ADCY2: variants seen among roughly 807,000 people sequenced by gnomAD.
ADCY2 encodes the protein adenylate cyclase 2.
ADCY2 carries 31 observed loss-of-function variants against 125.2 expected under a neutral mutation model. The observed-to-expected ratio is 0.25, with a 90% CI of 0.19 to 0.33. ADCY2 has a LOEUF of 0.33. ADCY2 is among the 10% of genes least tolerant of loss of function. The pLI, the probability that ADCY2 is intolerant of heterozygous loss-of-function variation, is 1.00. For synonymous variants in ADCY2, 512 were observed against 548.4 expected (o/e 0.93, Z 0.93); for missense variants, 904 against 1,418.2 (o/e 0.64, Z 5.82).
chr5:7,430,561 CTA>C (rs1375753749), intron 2 of ADCY2, among the ~76,000 whole-genome samples: 1 of 146,984 alleles, frequency 6.8e-6, no homozygotes, highest in African/African-American at 2.5e-5. Context: ...TATTGATATA[CTA>C]TATATATAGT....
At chr5:7,783,008 G>GCA (rs1315984203) in intron 18 of ADCY2, among the ~76,000 whole-genome samples, 2 of 146,952 alleles carry the variant, frequency 1.4e-5, no homozygotes, top group African/African-American at 4.9e-5. Context: ...GCTGCGGCAG[G>GCA]TTTGGTGGGG....
chr5:7,450,534 G>A (rs1437225981), intron 2 of ADCY2, among the ~76,000 whole-genome samples: 2 of 152,214 alleles, frequency 1.3e-5, no homozygotes, highest in South Asian at 2.1e-4. Context: ...TAACATAAAC[G>A]TGGAAGGTGA....
intron 18 of ADCY2, chr5:7,782,127 T>G (rs906561691): frequency 1.2e-5 from 2 of 167,104 alleles, no homozygotes; most frequent in African/African-American, 4.8e-5. Flanking sequence ...TCGTGCCTCG[T>G]GATTCCTGAG....
At chr5:7,743,342 C>A (rs980691280) in intron 14 of ADCY2, among the ~76,000 whole-genome samples, 1 of 151,796 alleles carries the variant, frequency 6.6e-6, no homozygotes, top group African/African-American at 2.4e-5. Flanking sequence ...AAGAGGCCAC[C>A]GAGATGGGGG....
At chr5:7,434,661 T>A (rs1740728641) in intron 2 of ADCY2, among the ~76,000 whole-genome samples, 2 of 152,358 alleles carry the variant, frequency 1.3e-5, no homozygotes, top group East Asian at 3.9e-4. Context: ...GCTTTTATAA[T>A]TGGGAGCATA....
At chr5:7,409,199 G>A (rs1579413349) in intron 1 of ADCY2, among the ~76,000 whole-genome samples, 1 of 152,116 alleles carries the variant, frequency 6.6e-6, no homozygotes, top group Non-Finnish European at 1.5e-5. Context: ...TGGACACATA[G>A]AGGGGAACAA....
intron 3 of ADCY2, among the ~76,000 whole-genome samples, chr5:7,578,047 A>G (rs1736308826): frequency 6.6e-6 from 1 of 152,218 alleles, no homozygotes; most frequent in Non-Finnish European, 1.5e-5. Flanking sequence ...CTCAGAAAAG[A>G]CATCACATTT....
At chr5:7,555,851 A>AGC (rs762225183) in intron 3 of ADCY2, among the ~76,000 whole-genome samples, 7 of 128,828 alleles carry the variant, frequency 5.4e-5, no homozygotes, top group Admixed American at 4.9e-4. Context: ...GACACATGTG[A>AGC]GCGCACACAC....
chr5:7,618,150 C>T (rs1737825503), intron 3 of ADCY2, among the ~76,000 whole-genome samples: 1 of 152,070 alleles, frequency 6.6e-6, no homozygotes. Flanking sequence ...TGTTTAAATC[C>T]CCAGGTGAGA....
intron 3 of ADCY2, among the ~76,000 whole-genome samples, chr5:7,600,787 A>G (rs1420778703): frequency 1.3e-5 from 2 of 152,296 alleles, no homozygotes; most frequent in African/African-American, 4.8e-5. Flanking sequence ...CCCATTAAAT[A>G]GGCTGATAGA....
chr5:7,668,188 A>T (rs776257088), intron 4 of ADCY2, among the ~76,000 whole-genome samples: 1 of 152,204 alleles, frequency 6.6e-6, no homozygotes, highest in Non-Finnish European at 1.5e-5. Flanking sequence ...GTTTTTGTGA[A>T]GGTTATTTTT....
At chr5:7,594,963 A>C (rs1465382248) in intron 3 of ADCY2, among the ~76,000 whole-genome samples, 1 of 152,208 alleles carries the variant, frequency 6.6e-6, no homozygotes, top group East Asian at 1.9e-4. Flanking sequence ...TTTAAATGCT[A>C]TCTGTTCATG....
intron 3 of ADCY2, among the ~76,000 whole-genome samples, chr5:7,616,769 A>G (rs556758459): frequency 1.3e-5 from 2 of 152,280 alleles, no homozygotes; most frequent in East Asian, 1.9e-4. Flanking sequence ...CAAAATTCCT[A>G]TGTTGAAGGC....
At chr5:7,718,042 CT>C (rs1196480406) in intron 12 of ADCY2, among the ~76,000 whole-genome samples, 1 of 151,728 alleles carries the variant, frequency 6.6e-6, no homozygotes, top group Non-Finnish European at 1.5e-5. Flanking sequence ...AAAGCTGACT[CT>C]TGAAAAGTGT....
chr5:7,682,767 G>A (rs1244270901), intron 4 of ADCY2, among the ~76,000 whole-genome samples: 1 of 152,172 alleles, frequency 6.6e-6, no homozygotes, highest in Non-Finnish European at 1.5e-5. Flanking sequence ...CATTCTTAAG[G>A]ATGGGAACCG....
intron 18 of ADCY2, among the ~76,000 whole-genome samples, chr5:7,778,981 T>C (rs1373742791): frequency 6.6e-6 from 1 of 152,250 alleles, no homozygotes; most frequent in Non-Finnish European, 1.5e-5. Context: ...GTCAAGTTAA[T>C]ATTGAAAATA....
intron 24 of ADCY2, among the ~76,000 whole-genome samples, chr5:7,823,548 C>T (rs1009040125): frequency 2.6e-5 from 4 of 152,150 alleles, no homozygotes; most frequent in African/African-American, 9.7e-5. Context: ...ACTTCTAATG[C>T]CCAGGGATAC....
chr5:7,557,598 G>A (rs1023623061), intron 3 of ADCY2, among the ~76,000 whole-genome samples: 1 of 152,038 alleles, frequency 6.6e-6, no homozygotes, highest in African/African-American at 2.4e-5. Context: ...TTAGCTCTCA[G>A]TTATAAGTGA....
intron 2 of ADCY2, among the ~76,000 whole-genome samples, chr5:7,427,177 G>T (rs943978645): frequency 6.6e-6 from 1 of 152,096 alleles, no homozygotes; most frequent in Admixed American, 6.6e-5. Flanking sequence ...TTGCAGCTGT[G>T]ATACTCCAAT....
Sources: allele counts gnomAD v4.1 joint callset (sites outside exome capture counted in the v4.1 genomes callset), GRCh38; gene constraint gnomAD v4.1.1; transcripts MANE v1.5; gene names NCBI Gene and HGNC (gene_info 2026-07-23, HGNC 2026-07-21).